LGALS8: variants seen among roughly 807,000 people sequenced by gnomAD.
LGALS8 encodes the protein galectin-8.
LGALS8 carries 30 observed loss-of-function variants against 35.9 expected under a neutral mutation model. That is an observed-to-expected ratio of 0.83 (90% CI 0.62 to 1.13). LGALS8 has a LOEUF of 1.13. Ranked by LOEUF, LGALS8 falls within the 50% of genes most tolerant of loss-of-function variation. LGALS8 has a pLI of 0.00. For missense variants in LGALS8, 366 were observed against 388.7 expected (o/e 0.94, Z 0.49); for synonymous variants, 138 against 136.1 (o/e 1.01, Z -0.10).
chr1:236,541,828 C>G (rs1247644146), intron 6 of LGALS8, 118 bp downstream of exon 6: 2 of 578,482 alleles, frequency 3.5e-6, no homozygotes, highest in East Asian at 6.4e-5. Flanking sequence ...CGCAAGTAAT[C>G]ACTTGAAAAT....
chr1:236,551,769 C>A lies in LGALS8; in HGVS notation c.*3608C>A, dbSNP rs540999366. 4.2e-6 allele frequency: 2 copies of A among 470,592 alleles called. No homozygotes were observed. 29.2% of individuals were successfully genotyped at this position (470,592 alleles called of 1,614,324 possible). ...AAGATCGTGAAGATTACACTGTAAA[C>A]GGACTCTCAAATGATCAGGAGGTGG... On this transcript the variant is annotated 3_prime_UTR_variant, in exon 10 of 10. Coordinates refer to ENST00000366584, the MANE Select transcript of LGALS8 (RefSeq NM_201544.4).
At chr1:236,544,997 T>G (rs920635189) in intron 9 of LGALS8, 82 bp downstream of exon 9, 11 of 1,092,248 alleles carry the variant, frequency 1.0e-5, no homozygotes, top group African/African-American at 1.6e-5. Flanking sequence ...TTAAATCAAG[T>G]CCTAACTCAG....
At position 236,543,395 on chromosome 1, in the gene LGALS8, G is replaced by A. The variant is rs183933001; in HGVS notation, c.550-165G>A. On this transcript the variant is annotated intron_variant, in intron 7 of 9. Coordinates refer to ENST00000366584, the MANE Select transcript of LGALS8 (RefSeq NM_201544.4). ...GTGTGTTTGCTTCGAGCCAGGGACA[G>A]TGCTGCTGCAGGGGACCCAGCTGGG... The A allele has an allele frequency of 1.1e-5, 8 of 712,022 alleles. No individual in the cohort carries two copies. In the Admixed American group the frequency reaches 1.6e-4, roughly 14 times the overall value. 44.1% of individuals were successfully genotyped at this position (712,022 alleles called of 1,614,324 possible). A position where few individuals can be genotyped will look rare whatever the true frequency, so the allele number is the denominator to read the frequency against.
intron 7 of LGALS8, chr1:236,543,140 C>G: frequency 9.1e-7 from 1 of 1,093,168 alleles, no homozygotes; most frequent in East Asian, 2.4e-5. Flanking sequence ...AAAGCAGCCC[C>G]CTCTGCATTT....
chr1:236,533,918 A>T (rs942778657), intron 2 of LGALS8, among the ~76,000 whole-genome samples: 3 of 46,774 alleles, frequency 6.4e-5, no homozygotes, highest in African/African-American at 1.5e-4. Context: ...CCCCAGATGT[A>T]GCTCCCTCTG....
Position 236,526,088 on chromosome 1 carries a change from C to A in LGALS8, c.18C>A (p.Asn6Lys), listed in dbSNP as rs760898649. Residue 6 changes from asparagine (N) to lysine (K), a missense_variant, in exon 2 of 10, where the codon AAC becomes AAA. By Grantham distance (94) the Asn-to-Lys change is moderately conservative (BLOSUM62 0). Transcript: ENST00000366584. This position sits in a 1 kb window ranked among gnomAD's most constrained non-coding sequence, Gnocchi z 4.6. MMLSL[N>K]NLQNIIYNPV... is the part of the protein sequence containing the mutation. ...GGAAAAGAATGATGTTGTCCTTAAA[C>A]AACCTACAGAATATCATCTATAACC... 1 of 1,612,132 alleles carries A rather than the reference C, an allele frequency of 6.2e-7. No homozygotes were observed. Among genetic ancestry groups the A allele is most frequent in the South Asian group, 1.1e-5 (1 of 91,024 alleles).
Position 236,526,332 on chromosome 1 carries a change from G to A in LGALS8, c.45+217G>A. The A allele has an allele frequency of 2.5e-6, 1 of 404,242 alleles. No individual in the cohort carries two copies. Among genetic ancestry groups the A allele is most frequent in the Non-Finnish European group, 4.4e-6 (1 of 225,494 alleles). 25.0% of individuals were successfully genotyped at this position (404,242 alleles called of 1,614,324 possible). On this transcript the variant is annotated intron_variant, in intron 2 of 9. Transcript: ENST00000366584. This position sits in a 1 kb window ranked among gnomAD's most constrained non-coding sequence, Gnocchi z 4.6. ...TGATAATATGACGTGATGAAACAGTGTTATGAACAGGGAACGTCTGGGTAG... is the reference window on the plus strand; with the variant it reads ...TGATAATATGACGTGATGAAACAGTATTATGAACAGGGAACGTCTGGGTAG...
chr1:236,521,727 C>G (rs1352639159), upstream of LGALS8, among the ~76,000 whole-genome samples: 1 of 151,836 alleles, frequency 6.6e-6, no homozygotes. Flanking sequence ...ACTCAGGAGG[C>G]TGAGGCACAT....
chr1:236,528,025 C>T (rs1660915445), intron 2 of LGALS8, among the ~76,000 whole-genome samples: 1 of 152,120 alleles, frequency 6.6e-6, no homozygotes, highest in African/African-American at 2.4e-5. Context: ...CGTGAGGCAC[C>T]ATGCCTGGCC....
At chr1:236,523,189 T>A (rs750003303), upstream of LGALS8, 2 of 152,132 alleles carry the variant, frequency 1.3e-5, no homozygotes, top group African/African-American at 2.4e-5. Context: ...TTTAAGAGCA[T>A]CTAATAGGCA....
In LGALS8 at chr1:236,524,002, C is replaced by A; in HGVS notation, c.-163C>A. ...CGGACGCCAGAGCCGGGAACCCTGA[C>A]GGCACTTAGCTGCTGACAAACAACC... On this transcript the variant is annotated 5_prime_UTR_variant, in exon 1 of 10. Coordinates refer to ENST00000366584, the MANE Select transcript of LGALS8 (RefSeq NM_201544.4). The A allele has an allele frequency of 2.5e-6, 1 of 403,140 alleles. No homozygotes were observed. The highest frequency in any genetic ancestry group is 5.0e-6 in the Non-Finnish European group (1 of 198,902). 25.0% of individuals were successfully genotyped at this position (403,140 alleles called of 1,614,324 possible).
chr1:236,530,475 T>C (rs978311613), intron 2 of LGALS8, among the ~76,000 whole-genome samples: 3 of 152,248 alleles, frequency 2.0e-5, no homozygotes, highest in Non-Finnish European at 4.4e-5. Flanking sequence ...AAATTTTGTC[T>C]TTAATGTCTC....
rs1364544822 is a variant in LGALS8, at chr1:236,551,833, G to A, written c.*3672G>A. The stretch of plus-strand genomic sequence containing the variant: ...TGCTCCCTCCACCCAACTCAAAACA[G>A]GAGCTCGAGCCTGCCTGTATTTGAG... On this transcript the variant is annotated 3_prime_UTR_variant, in exon 10 of 10. Transcript: ENST00000366584. 7 of 568,726 alleles carry A rather than the reference G, an allele frequency of 1.2e-5. No individual in the cohort carries two copies. Among genetic ancestry groups the A allele is most frequent in the Non-Finnish European group, 2.2e-5 (7 of 320,826 alleles). 35.2% of individuals were successfully genotyped at this position (568,726 alleles called of 1,614,324 possible).
Position 236,528,591 on chromosome 1 carries a change from A to C in LGALS8, c.45+2476A>C, listed in dbSNP as rs546353971. On this transcript the variant is annotated intron_variant, in intron 2 of 9. Coordinates refer to ENST00000366584, the MANE Select transcript of LGALS8 (RefSeq NM_201544.4). The stretch of plus-strand genomic sequence containing the variant: ...TTTTAAGACAGAGGCTCGCTCTGTC[A>C]TCCAGGCTGGAGTGGAGTGGTGCAG... Among the ~76,000 whole-genome samples, 10 of 116,814 alleles carry C rather than the reference A, an allele frequency of 8.6e-5. No homozygotes were observed. In the South Asian group the frequency reaches 1.9e-3, roughly 22 times the overall value. 76.6% of individuals were successfully genotyped at this position (116,814 alleles called of 152,430 possible). A position where few individuals can be genotyped will look rare whatever the true frequency, so the allele number is the denominator to read the frequency against.
chr1:236,544,379 T>C (rs1572018058), intron 8 of LGALS8, among the ~76,000 whole-genome samples: 2 of 149,794 alleles, frequency 1.3e-5, no homozygotes, highest in South Asian at 4.2e-4. Context: ...GTGGCATACT[T>C]TCAAGAAGGA....
upstream of LGALS8, chr1:236,518,541 G>A (rs1660465314): frequency 6.6e-6 from 1 of 152,108 alleles, no homozygotes; most frequent in Admixed American, 6.5e-5. Flanking sequence ...TCCTGAAGAT[G>A]TTGCATAATT....
intron 2 of LGALS8, among the ~76,000 whole-genome samples, chr1:236,528,546 A>ATTTTTTTTTTTTTTTTTTTTTTTTTT (rs61261486): frequency 9.6e-6 from 1 of 104,240 alleles, no homozygotes; most frequent in Non-Finnish European, 1.8e-5. Context: ...AATGTTTCCA[A>ATTTTTTTTTTTTTTTTTTTTTTTTTT]TTTTTTTTTT....
At chr1:236,537,309 C>G (rs1661597528) in intron 2 of LGALS8, among the ~76,000 whole-genome samples, 188 bp from the exon 3 acceptor site, 2 of 152,140 alleles carry the variant, frequency 1.3e-5, no homozygotes, top group Non-Finnish European at 2.9e-5. Context: ...GCCACCGCGC[C>G]CGGCCGCAGT....
chr1:236,537,959 A>AC (rs1661665315), intron 3 of LGALS8, among the ~76,000 whole-genome samples: 1 of 90,034 alleles, frequency 1.1e-5, no homozygotes, highest in African/African-American at 3.4e-5. Context: ...TTTAAAAATT[A>AC]ACTGGCTTGG....
Sources: allele counts gnomAD v4.1 joint callset (sites outside exome capture counted in the v4.1 genomes callset), GRCh38; gene constraint gnomAD v4.1.1; non-coding constraint Gnocchi (gnomAD v3.1); transcripts MANE v1.5; gene names NCBI Gene and HGNC (gene_info 2026-07-23, HGNC 2026-07-21).